Variants in SETDB1 observed in about 807,000 individuals in gnomAD.
SETDB1 encodes SET domain bifurcated histone lysine methyltransferase 1.
SETDB1 carries 31 observed loss-of-function variants against 137.4 expected under a neutral mutation model. The observed-to-expected ratio is 0.23, with a 90% CI of 0.17 to 0.30. The LOEUF (loss-of-function observed/expected upper bound fraction) is 0.30, where lower values mean the gene tolerates loss of function less well. SETDB1 is among the 10% of genes least tolerant of loss of function. The pLI is 1.00. For missense variants in SETDB1, 1,113 were observed against 1,631.5 expected (o/e 0.68, Z 5.47); for synonymous variants, 548 against 579.9 (o/e 0.95, Z 0.79).
chr1:150,964,707 TG>T lies in SETDB1; in HGVS notation c.*344del, dbSNP rs1670937874. ...ACTATCTCCAGTTTGTATTATTTCT[TG>T]AAAGTCTTTTAACAATATGATAAAA... On this transcript the variant is annotated 3_prime_UTR_variant, in exon 22 of 22. Transcript: ENST00000692827. 1 of 585,542 alleles carries T rather than the reference TG, an allele frequency of 1.7e-6. No individual in the cohort carries two copies. The highest frequency in any genetic ancestry group is 1.9e-5 in the African/African-American group (1 of 53,664). The allele number at this position is 585,542 out of a possible 1,614,324, so 36.3% of individuals were successfully genotyped here. A position where few individuals can be genotyped will look rare whatever the true frequency, so the allele number is the denominator to read the frequency against.
intron 3 of SETDB1, among the ~76,000 whole-genome samples, chr1:150,935,176 C>A (rs948578676): frequency 1.2e-4 from 19 of 152,214 alleles, no homozygotes; most frequent in African/African-American, 4.6e-4. Context: ...ACTTCAAATA[C>A]GCCATCCCTG....
In SETDB1 at chr1:150,945,192, A is replaced by G. The variant is rs1670288672; in HGVS notation, c.1140+84A>G. On this transcript the variant is annotated intron_variant, in intron 9 of 21. Transcript: ENST00000692827. ...CAGTAATGAGGATGGTTTTATAGCT[A>G]TTCCATAGCCTTCCTCTTTCTTATC... 3.2e-6 allele frequency: 5 copies of G among 1,573,574 alleles called. No homozygotes were observed. In the Admixed American group the frequency reaches 5.6e-5, roughly 18 times the overall value.
chr1:150,949,029 T>G, intron 10 of SETDB1, 93 bp from the exon 11 acceptor site: 3 of 1,297,318 alleles, frequency 2.3e-6, no homozygotes, highest in Non-Finnish European at 3.2e-6. Flanking sequence ...ATTGCTTCCT[T>G]TTTATATTGT....
At chr1:150,927,661 A>G in intron 1 of SETDB1, 43 bp from the exon 2 acceptor site, 2 of 1,559,668 alleles carry the variant, frequency 1.3e-6, no homozygotes, top group Non-Finnish European at 1.8e-6. Context: ...GATTGATTGT[A>G]GTTATAAGGA....
chr1:150,944,982 T>C lies in SETDB1; in HGVS notation c.1014T>C (p.Thr338=). Residue 338 remains threonine, a synonymous_variant, in exon 9 of 22, where the codon ACT becomes ACC. Coordinates refer to ENST00000692827, the MANE Select transcript of SETDB1 (RefSeq NM_001366418.1). ...GTGACTTCATAGAGGAGTATGTCAC[T>C]GCCTACCCCAACCGCCCCATGGTAC... is the stretch of plus-strand genomic sequence containing the variant. ...SCRDFIEEYV[T]AYPNRPMVLL... is the part of the protein sequence containing the mutation. 1 of 1,614,084 alleles carries C rather than the reference T, an allele frequency of 6.2e-7. No homozygotes were observed. The highest frequency in any genetic ancestry group is 8.5e-7 in the Non-Finnish European group (1 of 1,179,964).
intron 17 of SETDB1, 75 bp from the exon 18 acceptor site, chr1:150,962,512 C>T (rs898788111): frequency 1.4e-6 from 2 of 1,477,088 alleles, no homozygotes; most frequent in Non-Finnish European, 1.9e-6. Context: ...CCAAATCTGC[C>T]TTCTCTCAAA....
At chr1:150,931,737 A>AC (rs1170878946) in intron 3 of SETDB1, among the ~76,000 whole-genome samples, 1 of 148,298 alleles carries the variant, frequency 6.7e-6, no homozygotes, top group African/African-American at 2.4e-5. Flanking sequence ...AAAAAAAAAA[A>AC]AAAAAAAAAC....
chr1:150,934,329 T>C (rs1366996307), intron 3 of SETDB1, among the ~76,000 whole-genome samples: 3 of 151,920 alleles, frequency 2.0e-5, no homozygotes, highest in Non-Finnish European at 4.4e-5. Context: ...AAAAATTAGC[T>C]GGGCGTAGTG....
Position 150,945,303 on chromosome 1 carries a change from T to C in SETDB1, c.1140+195T>C, listed in dbSNP as rs1464371287. Reference sequence around the variant, plus strand: ...GCAGGTCATTGTTGAAAATAAATTATCTGAATTATAATACGAATCTGCATG... The same window carrying C: ...GCAGGTCATTGTTGAAAATAAATTACCTGAATTATAATACGAATCTGCATG... On this transcript the variant is annotated intron_variant, in intron 9 of 21. Transcript: ENST00000692827. 2.1e-6 allele frequency: 3 copies of C among 1,442,110 alleles called. No individual in the cohort carries two copies. In the African/African-American group the frequency reaches 4.3e-5, roughly 21 times the overall value. 89.3% of individuals were successfully genotyped at this position (1,442,110 alleles called of 1,614,324 possible). A position where few individuals can be genotyped will look rare whatever the true frequency, so the allele number is the denominator to read the frequency against.
At chr1:150,935,853 G>A (rs1407800578) in intron 3 of SETDB1, among the ~76,000 whole-genome samples, 1 of 152,026 alleles carries the variant, frequency 6.6e-6, no homozygotes, top group Admixed American at 6.6e-5. Context: ...TATTGACAGG[G>A]TTTTTTGTCT....
chr1:150,959,500 A>T (rs1338877760), intron 15 of SETDB1, among the ~76,000 whole-genome samples, 153 bp downstream of exon 15: 1 of 152,184 alleles, frequency 6.6e-6, no homozygotes, highest in Non-Finnish European at 1.5e-5. Context: ...TGAGTGATGT[A>T]CCTGTCTAGC....
chr1:150,930,793 C>G (rs1669710748), intron 3 of SETDB1, among the ~76,000 whole-genome samples: 2 of 152,098 alleles, frequency 1.3e-5, no homozygotes, highest in Non-Finnish European at 2.9e-5. Context: ...GCCTTGGCCT[C>G]CCAAAGTGCT....
intron 14 of SETDB1, among the ~76,000 whole-genome samples, chr1:150,955,090 T>C (rs141208766): frequency 2.0e-5 from 3 of 152,244 alleles, no homozygotes; most frequent in Non-Finnish European, 4.4e-5. Context: ...AGGATGAATT[T>C]GTACTGATAA....
intron 1 of SETDB1, among the ~76,000 whole-genome samples, 191 bp from the exon 2 acceptor site, chr1:150,927,513 G>C (rs190179197): frequency 6.6e-6 from 1 of 152,138 alleles, no homozygotes; most frequent in Non-Finnish European, 1.5e-5. Context: ...GAGTGTTAGC[G>C]TACAGCAGAA....
intron 16 of SETDB1, chr1:150,961,804 T>C (rs1347560623): frequency 3.0e-6 from 1 of 334,498 alleles, no homozygotes; most frequent in Non-Finnish European, 5.5e-6. Flanking sequence ...TCTACTAAAG[T>C]AGAGAAACAA....
At chr1:150,931,935 C>T (rs1017668491) in intron 3 of SETDB1, among the ~76,000 whole-genome samples, 1 of 152,088 alleles carries the variant, frequency 6.6e-6, no homozygotes, top group African/African-American at 2.4e-5. Flanking sequence ...CTGTATCATT[C>T]TCCTATGTTC....
chr1:150,948,889 T>C (rs981564689), intron 10 of SETDB1, among the ~76,000 whole-genome samples: 2 of 151,956 alleles, frequency 1.3e-5, no homozygotes, highest in Non-Finnish European at 2.9e-5. Flanking sequence ...CATCTAATTT[T>C]TGTATTTTTA....
intron 5 of SETDB1, 74 bp from the exon 6 acceptor site, chr1:150,942,489 C>A: frequency 7.9e-7 from 1 of 1,267,646 alleles, no homozygotes; most frequent in Non-Finnish European, 1.1e-6. Context: ...AATTACCATA[C>A]TACCCTCTTT....
chr1:150,964,680 C>G lies in SETDB1; in HGVS notation c.*316C>G, dbSNP rs1451383549. ...TGTTCTTAGAATGGAGCCTGTGTAT[C>G]TACTATCTCCAGTTTGTATTATTTC... On this transcript the variant is annotated 3_prime_UTR_variant, in exon 22 of 22. Coordinates refer to ENST00000692827, the MANE Select transcript of SETDB1 (RefSeq NM_001366418.1). 1.7e-6 allele frequency: 1 copy of G among 595,982 alleles called. No individual in the cohort carries two copies. The highest frequency in any genetic ancestry group is 3.0e-5 in the Admixed American group (1 of 33,880). The allele number at this position is 595,982 out of a possible 1,614,324, so 36.9% of individuals were successfully genotyped here.
Sources: allele counts gnomAD v4.1 joint callset (sites outside exome capture counted in the v4.1 genomes callset), GRCh38; gene constraint gnomAD v4.1.1; transcripts MANE v1.5; gene names NCBI Gene and HGNC (gene_info 2026-07-23, HGNC 2026-07-21).